The following LDLRAD4 variants were observed in gnomAD, a reference collection of about 807,000 sequenced individuals.
LDLRAD4 encodes low density lipoprotein receptor class A domain containing 4.
A neutral mutation model predicts 17.0 loss-of-function variants in LDLRAD4; 5 were observed. That is an observed-to-expected ratio of 0.29 (90% CI 0.15 to 0.62). The LOEUF is 0.62. Ranked by LOEUF, LDLRAD4 falls within the 20% of genes least tolerant of loss-of-function variation. LDLRAD4 has a pLI of 0.84. For missense variants in LDLRAD4, 340 were observed against 424.7 expected (o/e 0.80, Z 1.75); for synonymous variants, 168 against 171.8 (o/e 0.98, Z 0.17).
intron 1 of LDLRAD4, among the ~76,000 whole-genome samples, chr18:13,315,085 G>A (rs2080856387): frequency 6.6e-6 from 1 of 152,186 alleles, no homozygotes; most frequent in Non-Finnish European, 1.5e-5. Context: ...AGGAGCCCTG[G>A]AAAGCACCTA....
In LDLRAD4 at chr18:13,645,750, T is replaced by C; in HGVS notation, c.*93T>C. ...GCGCACAGTGTTGTTCAGTTTCACA[T>C]GGTACAAATAAGTAAAACCAAATGA... is the stretch of plus-strand genomic sequence containing the variant. On this transcript the variant is annotated 3_prime_UTR_variant, in exon 6 of 6. Transcript: ENST00000359446. The surrounding 1 kb of genome is among the most constrained non-coding windows in gnomAD (Gnocchi z 5.7). 1 of 1,016,674 alleles carries C rather than the reference T, an allele frequency of 9.8e-7. No individual in the cohort carries two copies. The highest frequency in any genetic ancestry group is 1.4e-6 in the Non-Finnish European group (1 of 716,594). The allele number at this position is 1,016,674 out of a possible 1,614,324, so 63.0% of individuals were successfully genotyped here. A position where few individuals can be genotyped will look rare whatever the true frequency, so the allele number is the denominator to read the frequency against.
chr18:13,452,801 C>T (rs1485962150), intron 3 of LDLRAD4, among the ~76,000 whole-genome samples: 1 of 152,144 alleles, frequency 6.6e-6, no homozygotes, highest in Non-Finnish European at 1.5e-5. Flanking sequence ...TTAGAACAAC[C>T]ATATGTGATA....
At chr18:13,553,930 A>G (rs2094459500) in intron 3 of LDLRAD4, among the ~76,000 whole-genome samples, 2 of 152,186 alleles carry the variant, frequency 1.3e-5, no homozygotes, top group African/African-American at 2.4e-5. Context: ...TGTGCAGTTA[A>G]TTAGTGAGTG....
chr18:13,590,094 AGT>A (rs1166907596), intron 3 of LDLRAD4, among the ~76,000 whole-genome samples: 6 of 145,264 alleles, frequency 4.1e-5, no homozygotes, highest in East Asian at 4.1e-4. Context: ...TGTGGGTGTG[AGT>A]GTGCATGTGT....
At chr18:13,313,694 C>T (rs1026536987) in intron 1 of LDLRAD4, among the ~76,000 whole-genome samples, 3 of 152,172 alleles carry the variant, frequency 2.0e-5, no homozygotes, top group Admixed American at 6.6e-5. Flanking sequence ...TTGTACTTAG[C>T]TGTTTTCTTA....
chr18:13,563,636 A>G (rs1785164), intron 3 of LDLRAD4, among the ~76,000 whole-genome samples: 150,824 of 152,358 alleles, frequency 0.99, 74,673 homozygotes, highest in East Asian at 1. Flanking sequence ...CACGACATTA[A>G]TGCGTCAGCA....
chr18:13,404,313 T>C (rs921376937), intron 2 of LDLRAD4, among the ~76,000 whole-genome samples: 3 of 152,142 alleles, frequency 2.0e-5, no homozygotes, highest in African/African-American at 7.2e-5. Flanking sequence ...CGTGGAGATG[T>C]GCACGGGACA....
At chr18:13,380,826 G>A (rs530647244) in intron 1 of LDLRAD4, among the ~76,000 whole-genome samples, 1 of 152,278 alleles carries the variant, frequency 6.6e-6, no homozygotes, top group South Asian at 2.1e-4. Context: ...ACTACATTAT[G>A]CTGAACAAGT....
chr18:13,594,665 CAAAAAA>C (rs56035558), intron 3 of LDLRAD4, among the ~76,000 whole-genome samples: 147 of 29,600 alleles, frequency 5.0e-3, no homozygotes, highest in Middle Eastern at 0.048. Context: ...GATTCCATCT[CAAAAAA>C]AAAAAAAAAA....
chr18:13,436,262 C>G (rs896780416), intron 2 of LDLRAD4, among the ~76,000 whole-genome samples: 1 of 152,182 alleles, frequency 6.6e-6, no homozygotes, highest in Non-Finnish European at 1.5e-5. Flanking sequence ...GTACCTAGCA[C>G]AGAACATAGA....
At chr18:13,280,633 G>A (rs893191052) in intron 1 of LDLRAD4, among the ~76,000 whole-genome samples, 1 of 152,196 alleles carries the variant, frequency 6.6e-6, no homozygotes, top group East Asian at 1.9e-4. Flanking sequence ...CAAAGAAATC[G>A]TTAATTCAGG....
At chr18:13,353,334 C>G (rs1264332471) in intron 1 of LDLRAD4, among the ~76,000 whole-genome samples, 1 of 152,206 alleles carries the variant, frequency 6.6e-6, no homozygotes, top group Admixed American at 6.5e-5. Flanking sequence ...ACTGTGAAGG[C>G]TTAAGGCCTT....
At chr18:13,387,847 C>T (rs1456691399) in intron 2 of LDLRAD4, 85 bp downstream of exon 3, 7 of 1,234,928 alleles carry the variant, frequency 5.7e-6, no homozygotes, top group African/African-American at 1.5e-5. Flanking sequence ...AGTGAACCTA[C>T]CTTTGCAGTC....
chr18:13,371,342 GC>G (rs1212061125), intron 1 of LDLRAD4, among the ~76,000 whole-genome samples: 1 of 152,214 alleles, frequency 6.6e-6, no homozygotes, highest in East Asian at 1.9e-4. Context: ...AGTGTTCCAT[GC>G]CCTGCTGCTG....
chr18:13,223,259 T>C (rs757684539), intron 1 of LDLRAD4, among the ~76,000 whole-genome samples: 3 of 152,180 alleles, frequency 2.0e-5, no homozygotes, highest in Non-Finnish European at 4.4e-5. Context: ...CCTCATCTGC[T>C]CTGTTCCTAA....
chr18:13,609,507 C>T (rs577680542), intron 3 of LDLRAD4, among the ~76,000 whole-genome samples: 1 of 147,096 alleles, frequency 6.8e-6, no homozygotes, highest in East Asian at 2.0e-4. Context: ...CCCACAGGAG[C>T]GCTCATTATG....
rs376619483 is a variant in LDLRAD4 at position 13,645,471 on chromosome 18, C to T, written c.735C>T (p.Asn245=). ...TCAGTGCAAGCACCTGCAGCAGTAACGGGAGGATGGAGGGGCCACCCCCCA... is the reference window on the plus strand; with the variant it reads ...TCAGTGCAAGCACCTGCAGCAGTAATGGGAGGATGGAGGGGCCACCCCCCA... The change falls in exon 6 of 6, where the codon AAC becomes AAT. Residue 245 remains asparagine, a synonymous_variant. Transcript: ENST00000359446. This position sits in a 1 kb window ranked among gnomAD's most constrained non-coding sequence, Gnocchi z 5.7. The T allele has an allele frequency of 1.4e-5, 23 of 1,611,912 alleles. No individual in the cohort carries two copies. In the East Asian group the frequency reaches 2.9e-4, roughly 20 times the overall value.
At chr18:13,221,571 T>G (rs570092283) in intron 1 of LDLRAD4, among the ~76,000 whole-genome samples, 14 of 152,244 alleles carry the variant, frequency 9.2e-5, no homozygotes, top group East Asian at 1.9e-4. Flanking sequence ...GGGGCATTGT[T>G]TGCTTCATTG....
intron 3 of LDLRAD4, among the ~76,000 whole-genome samples, chr18:13,620,464 G>A (rs753553153): frequency 4.6e-5 from 7 of 152,226 alleles, no homozygotes; most frequent in African/African-American, 1.4e-4. Context: ...CAGGCCGCCC[G>A]TGAGCCCTCG....
Sources: gnomAD v4.1 joint callset for allele counts (sites outside exome capture counted in the v4.1 genomes callset) on GRCh38, gnomAD v4.1.1 for gene constraint, Gnocchi (gnomAD v3.1) non-coding constraint, MANE v1.5 for transcripts, NCBI Gene and HGNC (gene_info 2026-07-23, HGNC 2026-07-21) for gene names.